Variants in TMC1 observed in about 807,000 individuals in gnomAD.
TMC1 encodes transmembrane channel-like protein 1.
In TMC1, 84 loss-of-function variants were observed where a neutral mutation model predicts 105.8. The ratio of observed to expected loss-of-function variants is 0.79; its 90% CI spans 0.67 to 0.95. TMC1 has a LOEUF of 0.95. Among genes scored for constraint, TMC1 ranks in the 40% least tolerant of loss-of-function variants. The probability of loss-of-function intolerance (pLI) is 0.00; values close to 1 mark genes in which losing one functional copy is unlikely to be tolerated. For synonymous variants in TMC1, 315 were observed against 311.5 expected (o/e 1.01, Z -0.12); for missense variants, 817 against 914.1 (o/e 0.89, Z 1.37).
At chr9:72,652,615 G>A (rs949744348) in intron 5 of TMC1, among the ~76,000 whole-genome samples, 17 of 152,116 alleles carry the variant, frequency 1.1e-4, no homozygotes, top group Admixed American at 5.2e-4. Flanking sequence ...GGACCAACCC[G>A]GGGAACGTCT....
At chr9:72,771,161 T>A (rs1044123756) in intron 12 of TMC1, among the ~76,000 whole-genome samples, 1 of 152,250 alleles carries the variant, frequency 6.6e-6, no homozygotes, top group Admixed American at 6.5e-5. Flanking sequence ...TACCTGTGAT[T>A]CATTCCGTGC....
intron 13 of TMC1, among the ~76,000 whole-genome samples, chr9:72,777,367 G>A (rs1828022904): frequency 6.6e-6 from 1 of 152,100 alleles, no homozygotes; most frequent in Non-Finnish European, 1.5e-5. Flanking sequence ...AGCAGTCAGA[G>A]TGCCTCATAG....
intron 4 of TMC1, among the ~76,000 whole-genome samples, chr9:72,647,602 GA>G (rs1825735955): frequency 2.0e-5 from 3 of 152,256 alleles, no homozygotes; most frequent in African/African-American, 7.2e-5. Context: ...CTAGAATAGG[GA>G]AAAACCAGGT....
chr9:72,725,338 T>C (rs1588051381), intron 8 of TMC1, among the ~76,000 whole-genome samples: 1 of 105,158 alleles, frequency 9.5e-6, no homozygotes, highest in South Asian at 3.4e-4. Context: ...TATATATATA[T>C]ATATATATAT....
chr9:72,796,718 T>C (rs1328299221), intron 17 of TMC1, among the ~76,000 whole-genome samples: 2 of 152,126 alleles, frequency 1.3e-5, no homozygotes, highest in Non-Finnish European at 2.9e-5. Flanking sequence ...TGAAGGAACA[T>C]ACCTCAAAAT....
chr9:72,713,605 G>A (rs902789040), intron 8 of TMC1, among the ~76,000 whole-genome samples: 6 of 152,118 alleles, frequency 3.9e-5, no homozygotes, highest in Admixed American at 2.6e-4. Context: ...ATTTCTGTGG[G>A]ATCGGCGGTG....
intron 8 of TMC1, among the ~76,000 whole-genome samples, chr9:72,716,510 G>T (rs1474814148): frequency 6.6e-6 from 1 of 152,158 alleles, no homozygotes; most frequent in Admixed American, 6.5e-5. Flanking sequence ...TCCTTACTGA[G>T]CTGTGGTGAG....
chr9:72,638,497 G>A (rs960256898), intron 4 of TMC1, among the ~76,000 whole-genome samples: 6 of 152,108 alleles, frequency 3.9e-5, no homozygotes, highest in South Asian at 2.1e-4. Context: ...CATGCTCACC[G>A]AACTGCAGCA....
chr9:72,657,154 A>G (rs1199021233), intron 5 of TMC1, among the ~76,000 whole-genome samples: 1 of 152,174 alleles, frequency 6.6e-6, no homozygotes, highest in Admixed American at 6.5e-5. Context: ...CACAAATTCT[A>G]AGTGTGTGAA....
chr9:72,676,208 G>A (rs1037028473), intron 5 of TMC1, among the ~76,000 whole-genome samples: 1 of 152,134 alleles, frequency 6.6e-6, no homozygotes, highest in Non-Finnish European at 1.5e-5. Flanking sequence ...CCAATTTAGG[G>A]TAATATTTTA....
intron 3 of TMC1, among the ~76,000 whole-genome samples, chr9:72,616,814 C>A (rs1825138734): frequency 6.6e-6 from 1 of 152,016 alleles, no homozygotes. Context: ...CTGCTGTTCC[C>A]ACCCCCGCTG....
intron 4 of TMC1, among the ~76,000 whole-genome samples, chr9:72,634,591 T>C (rs1490857965): frequency 1.3e-5 from 2 of 152,184 alleles, no homozygotes; most frequent in East Asian, 3.9e-4. Context: ...TAGCTTGTGA[T>C]GTTAGAAGAA....
At chr9:72,812,884 A>T (rs1828727486) in intron 18 of TMC1, among the ~76,000 whole-genome samples, 1 of 152,234 alleles carries the variant, frequency 6.6e-6, no homozygotes, top group South Asian at 2.1e-4. Flanking sequence ...GAGAGAAGAG[A>T]TCTTCCCAGG....
chr9:72,544,489 T>C (rs1823731557), intron 1 of TMC1, among the ~76,000 whole-genome samples: 1 of 149,890 alleles, frequency 6.7e-6, no homozygotes, highest in Non-Finnish European at 1.5e-5. Flanking sequence ...TTTTTTTTTT[T>C]TTTTTTTGTG....
At chr9:72,566,954 G>A (rs1457195522) in intron 1 of TMC1, among the ~76,000 whole-genome samples, 2 of 152,172 alleles carry the variant, frequency 1.3e-5, no homozygotes, top group Non-Finnish European at 2.9e-5. Flanking sequence ...AGACCTTGTT[G>A]CATCCCAATC....
intron 2 of TMC1, among the ~76,000 whole-genome samples, chr9:72,583,581 A>G (rs2132100590): frequency 1.3e-5 from 2 of 152,340 alleles, no homozygotes; most frequent in Middle Eastern, 6.8e-3. Context: ...TTCAAAAGGA[A>G]GTGCCAGGAA....
chr9:72,640,608 T>G (rs1020788067), intron 4 of TMC1, among the ~76,000 whole-genome samples: 2 of 151,744 alleles, frequency 1.3e-5, no homozygotes, highest in Admixed American at 6.6e-5. Flanking sequence ...TGGTTTTTAC[T>G]TGGGATTTGT....
At chr9:72,553,055 C>T (rs1056611074) in intron 1 of TMC1, among the ~76,000 whole-genome samples, 3 of 151,964 alleles carry the variant, frequency 2.0e-5, no homozygotes, top group Non-Finnish European at 2.9e-5. Context: ...GTCACAGCAA[C>T]CTCTGCCTCC....
intron 2 of TMC1, among the ~76,000 whole-genome samples, chr9:72,593,326 G>A (rs964779521): frequency 4.6e-5 from 7 of 152,004 alleles, no homozygotes; most frequent in African/African-American, 1.7e-4. Context: ...ATCGCTTGAA[G>A]CCAGGAGTTT....
Sources: allele counts gnomAD v4.1 joint callset (sites outside exome capture counted in the v4.1 genomes callset), GRCh38; gene constraint gnomAD v4.1.1; transcripts MANE v1.5; gene names NCBI Gene and HGNC (gene_info 2026-07-23, HGNC 2026-07-21).